Variants in PNPLA1 observed in about 807,000 individuals in gnomAD.
PNPLA1 encodes patatin like domain 1, omega-hydroxyceramide transacylase, also known as omega-hydroxyceramide transacylase.
A neutral mutation model predicts 51.7 loss-of-function variants in PNPLA1; 36 were observed. The observed-to-expected ratio is 0.70, with a 90% CI of 0.53 to 0.92. The LOEUF (loss-of-function observed/expected upper bound fraction) is 0.92, where lower values mean the gene tolerates loss of function less well. PNPLA1 is among the 40% of genes least tolerant of loss of function. The pLI is 0.00. For synonymous variants in PNPLA1, 293 were observed against 280.1 expected (o/e 1.05, Z -0.46); for missense variants, 658 against 682.5 (o/e 0.96, Z 0.40).
At chr6:36,248,163 CA>C (rs1466436826) in intron 1 of PNPLA1, among the ~76,000 whole-genome samples, 7 of 152,058 alleles carry the variant, frequency 4.6e-5, no homozygotes, top group Non-Finnish European at 1.0e-4. Flanking sequence ...ACCGAACACT[CA>C]GATGAACAAT....
chr6:36,249,009 A>T (rs1582021930), intron 1 of PNPLA1, among the ~76,000 whole-genome samples: 1 of 152,144 alleles, frequency 6.6e-6, no homozygotes, highest in Non-Finnish European at 1.5e-5. Flanking sequence ...ACTTGCTCTT[A>T]CAGAGTCCCA....
intron 5 of PNPLA1, among the ~76,000 whole-genome samples, chr6:36,295,859 T>C (rs926310041): frequency 2.0e-5 from 3 of 152,236 alleles, no homozygotes; most frequent in Non-Finnish European, 4.4e-5. Flanking sequence ...TTGAGTGACC[T>C]ATTGATCAGC....
At chr6:36,289,007 CAAA>C (rs947886945) in intron 1 of PNPLA1, among the ~76,000 whole-genome samples, 1 of 152,094 alleles carries the variant, frequency 6.6e-6, no homozygotes, top group Admixed American at 6.5e-5. Context: ...AAGCAAGTTA[CAAA>C]TAGTGTGTAT....
chr6:36,290,771 G>A (rs145405307), intron 1 of PNPLA1, among the ~76,000 whole-genome samples: 11 of 152,254 alleles, frequency 7.2e-5, no homozygotes, highest in African/African-American at 2.6e-4. Context: ...TGATGCAATG[G>A]TTTCAAGACA....
chr6:36,306,478 G>A, intron 7 of PNPLA1, 102 bp downstream of exon 7: 2 of 1,031,856 alleles, frequency 1.9e-6, no homozygotes, highest in Non-Finnish European at 2.9e-6. Flanking sequence ...GGAACTCTGG[G>A]ATCCTTTTCT....
rs752787819 is a variant in PNPLA1, at chr6:36,293,684, AAGTC to A, written c.505-503_505-500del. On this transcript the variant is annotated intron_variant, in intron 3 of 8. Coordinates refer to ENST00000636260, the MANE Select transcript of PNPLA1 (RefSeq NM_001374623.1). ...CCCCTCCTCATTTTATATGCAGAGA[AAGTC>A]AGGGCCAGAGACTAGGATTCAGGTA... Among the ~76,000 whole-genome samples, 12 of 152,298 alleles carry A rather than the reference AAGTC, an allele frequency of 7.9e-5. No homozygotes were observed. In the South Asian group the frequency reaches 1.7e-3, roughly 21 times the overall value.
At position 36,282,179 on chromosome 6, in the gene PNPLA1, G is replaced by GAGAA. The variant is rs1360346303; in HGVS notation, c.206-9128_206-9125dup. ...AGAGAGAAAGAAAGAAAGAGACAGA[G>GAGAA]AGAAAGAAAGAAAGAAGGAAGGAAG... is the stretch of plus-strand genomic sequence containing the variant. On this transcript the variant is annotated intron_variant, in intron 1 of 8. Coordinates refer to ENST00000636260, the MANE Select transcript of PNPLA1 (RefSeq NM_001374623.1). Among the ~76,000 whole-genome samples the GAGAA allele has an allele frequency of 1.5e-4, 14 of 93,718 alleles. No homozygotes were observed. In the East Asian group the frequency reaches 3.8e-3, roughly 26 times the overall value. 61.5% of individuals were successfully genotyped at this position (93,718 alleles called of 152,430 possible). A position where few individuals can be genotyped will look rare whatever the true frequency, so the allele number is the denominator to read the frequency against.
intron 5 of PNPLA1, among the ~76,000 whole-genome samples, chr6:36,300,362 T>C (rs566730906): frequency 1.1e-3 from 166 of 152,096 alleles, no homozygotes; most frequent in African/African-American, 3.9e-3. Context: ...CCCCGGCTAA[T>C]TTTTTGTATT....
In PNPLA1 at chr6:36,270,388, G is replaced by C; in HGVS notation, c.-72G>C. 6.8e-7 allele frequency: 1 copy of C among 1,481,348 alleles called. No homozygotes were observed. Among genetic ancestry groups the C allele is most frequent in the Middle Eastern group, 1.9e-4 (1 of 5,166 alleles). The allele number at this position is 1,481,348 out of a possible 1,614,324, so 91.8% of individuals were successfully genotyped here. Reference sequence around the variant, plus strand: ...TGGGTAGGGAGTTCCTACAGGGAGCGGCAGCCCAGGCTCGGGCAGGCAAGT... The same window carrying C: ...TGGGTAGGGAGTTCCTACAGGGAGCCGCAGCCCAGGCTCGGGCAGGCAAGT... On this transcript the variant is annotated 5_prime_UTR_variant, in exon 1 of 9. Transcript: ENST00000636260.
Position 36,294,232 on chromosome 6 carries a change from T to C in PNPLA1, c.547T>C (p.Phe183Leu). Residue 183 changes from phenylalanine (F) to leucine (L), a missense_variant, in exon 4 of 9, where the codon TTC (phenylalanine) becomes CTC (leucine). Transcript: ENST00000636260. This position sits in a 1 kb window ranked among gnomAD's most constrained non-coding sequence, Gnocchi z 4.2. The part of the protein sequence containing the change: ...GGFTGMQPCA[F>L]WTDAITISTF... ...CTTCACGGGCATGCAGCCCTGTGCCTTCTGGACCGACGCCATCACCATCTC... is the reference window on the plus strand; with the variant it reads ...CTTCACGGGCATGCAGCCCTGTGCCCTCTGGACCGACGCCATCACCATCTC... 6.2e-7 allele frequency: 1 copy of C among 1,614,208 alleles called. No individual in the cohort carries two copies. Among genetic ancestry groups the C allele is most frequent in the South Asian group, 1.1e-5 (1 of 91,088 alleles).
chr6:36,295,781 T>C (rs1201579494), intron 5 of PNPLA1, among the ~76,000 whole-genome samples: 2 of 152,230 alleles, frequency 1.3e-5, no homozygotes, highest in African/African-American at 2.4e-5. Flanking sequence ...TCCACTTTAT[T>C]CTCTTTCTAG....
At chr6:36,277,248 C>T (rs1770131085) in intron 1 of PNPLA1, among the ~76,000 whole-genome samples, 1 of 152,202 alleles carries the variant, frequency 6.6e-6, no homozygotes, top group African/African-American at 2.4e-5. Context: ...CATATCTGCA[C>T]TCCAGCTAGT....
At chr6:36,300,941 G>A (rs1771022593) in intron 5 of PNPLA1, among the ~76,000 whole-genome samples, 1 of 152,124 alleles carries the variant, frequency 6.6e-6, no homozygotes, top group African/African-American at 2.4e-5. Context: ...TGGATTCATG[G>A]TTATGTTATA....
intron 1 of PNPLA1, among the ~76,000 whole-genome samples, chr6:36,273,490 A>T (rs1230205017): frequency 1.3e-5 from 2 of 151,860 alleles, no homozygotes; most frequent in African/African-American, 4.8e-5. Context: ...TCCTGGAGTC[A>T]CCGAATTCCT....
At chr6:36,282,157 G>GAGAA (rs148912615) in intron 1 of PNPLA1, among the ~76,000 whole-genome samples, 2 of 133,498 alleles carry the variant, frequency 1.5e-5, no homozygotes, top group South Asian at 4.9e-4. Context: ...CAGAGAGAGA[G>GAGAA]AGAAAGAAAG....
intron 1 of PNPLA1, among the ~76,000 whole-genome samples, chr6:36,280,076 C>G (rs1005857290): frequency 6.6e-6 from 1 of 152,072 alleles, no homozygotes; most frequent in Non-Finnish European, 1.5e-5. Context: ...CGTGGTGGTG[C>G]GTGCCTGTAG....
At chr6:36,298,426 G>A (rs900709850) in intron 5 of PNPLA1, among the ~76,000 whole-genome samples, 2 of 130,768 alleles carry the variant, frequency 1.5e-5, no homozygotes, top group Non-Finnish European at 3.6e-5. Context: ...TTTTAATTGT[G>A]GTAAAAAAAC....
intron 5 of PNPLA1, among the ~76,000 whole-genome samples, chr6:36,298,042 A>G (rs1770913818): frequency 6.6e-6 from 1 of 152,214 alleles, no homozygotes; most frequent in Non-Finnish European, 1.5e-5. Flanking sequence ...TTAATTCACT[A>G]CAATGTGAAC....
At position 36,270,559 on chromosome 6, in the gene PNPLA1, G is replaced by A. The variant is rs1182312612; in HGVS notation, c.100G>A (p.Ala34Thr). 3.9e-6 allele frequency: 6 copies of A among 1,551,624 alleles called. No individual in the cohort carries two copies. The Admixed American group carries it at 7.8e-5, about 20-fold the overall frequency. Residue 34 changes from alanine (A) to threonine (T), a missense_variant, in exon 1 of 9, where the codon GCC becomes ACC. Ala to Thr is a moderately conservative substitution (Grantham distance 58). Coordinates refer to ENST00000636260, the MANE Select transcript of PNPLA1 (RefSeq NM_001374623.1). Reference protein sequence around the residue: ...LSFYQAGAVDALRDLAPRMLE... With the variant: ...LSFYQAGAVDTLRDLAPRMLE... ...CTTCTACCAGGCGGGGGCTGTGGAC[G>A]CCCTGCGGGACCTGGCCCCCCGGAT...
Sources: allele counts gnomAD v4.1 joint callset (sites outside exome capture counted in the v4.1 genomes callset), GRCh38; gene constraint gnomAD v4.1.1; non-coding constraint Gnocchi (gnomAD v3.1); transcripts MANE v1.5; gene names NCBI Gene and HGNC (gene_info 2026-07-23, HGNC 2026-07-21).